The following OXR1 variants were observed in gnomAD, a reference collection of about 807,000 sequenced individuals.
OXR1 encodes oxidation resistance protein 1.
Under a neutral mutation model 104.6 loss-of-function variants are expected in OXR1, and 41 were observed. That is an observed-to-expected ratio of 0.39 (90% CI 0.31 to 0.51). The LOEUF (loss-of-function observed/expected upper bound fraction) is 0.51, where lower values mean the gene tolerates loss of function less well. Ranked by LOEUF, OXR1 falls within the 20% of genes least tolerant of loss-of-function variation. The pLI, the probability that OXR1 is intolerant of heterozygous loss-of-function variation, is 0.77. For synonymous variants in OXR1, 348 were observed against 348.4 expected (o/e 1.00, Z 0.01); for missense variants, 955 against 1,031.9 (o/e 0.93, Z 1.02).
At chr8:106,282,074 A>G (rs1812314104) in intron 1 of OXR1, among the ~76,000 whole-genome samples, 1 of 152,226 alleles carries the variant, frequency 6.6e-6, no homozygotes, top group Admixed American at 6.5e-5. Flanking sequence ...ATAGTCTCCA[A>G]GTTTAAATGA....
intron 2 of OXR1, among the ~76,000 whole-genome samples, chr8:106,493,639 T>C (rs1310500017): frequency 1.3e-5 from 2 of 152,236 alleles, no homozygotes; most frequent in East Asian, 3.8e-4. Flanking sequence ...TACACATGAA[T>C]GTGTTTCTCT....
intron 2 of OXR1, among the ~76,000 whole-genome samples, chr8:106,417,367 A>G (rs1818721044): frequency 6.6e-6 from 1 of 152,110 alleles, no homozygotes; most frequent in Non-Finnish European, 1.5e-5. Context: ...ACTTCTTAAA[A>G]CTAGATTTAT....
intron 3 of OXR1, among the ~76,000 whole-genome samples, chr8:106,559,974 G>A (rs143334004): frequency 6.6e-6 from 1 of 152,184 alleles, no homozygotes; most frequent in Non-Finnish European, 1.5e-5. Flanking sequence ...TCAGATAACA[G>A]AAAATAAGCT....
intron 1 of OXR1, among the ~76,000 whole-genome samples, chr8:106,301,531 G>C (rs1406338630): frequency 6.6e-6 from 1 of 152,160 alleles, no homozygotes; most frequent in Non-Finnish European, 1.5e-5. Flanking sequence ...AGCAAGGTTT[G>C]TATTGAACAA....
intron 2 of OXR1, among the ~76,000 whole-genome samples, chr8:106,368,995 T>C (rs1216729686): frequency 2.0e-5 from 3 of 152,224 alleles, no homozygotes; most frequent in Non-Finnish European, 4.4e-5. Flanking sequence ...CCACAATGGT[T>C]GAACTAATTT....
At chr8:106,742,974 A>C (rs1835046902) in intron 15 of OXR1, among the ~76,000 whole-genome samples, 2 of 152,188 alleles carry the variant, frequency 1.3e-5, no homozygotes, top group African/African-American at 4.8e-5. Context: ...GCTTCTGTAC[A>C]GCAAAATAAA....
chr8:106,591,445 TA>T (rs79236395), intron 3 of OXR1, among the ~76,000 whole-genome samples: 36 of 146,508 alleles, frequency 2.5e-4, no homozygotes, highest in South Asian at 6.5e-4. Flanking sequence ...AAAGTATAAT[TA>T]AAAAAAAAAA....
At chr8:106,578,121 TAGTATA>T (rs1251646612) in intron 3 of OXR1, among the ~76,000 whole-genome samples, 3 of 152,200 alleles carry the variant, frequency 2.0e-5, no homozygotes, top group Non-Finnish European at 2.9e-5. Context: ...AATAAACATT[TAGTATA>T]AGTATGTTTC....
chr8:106,487,684 G>C (rs1810781054), intron 2 of OXR1, among the ~76,000 whole-genome samples: 2 of 142,980 alleles, frequency 1.4e-5, no homozygotes, highest in South Asian at 4.4e-4. Context: ...TTGGTTTTTT[G>C]TTCTTGCGAT....
intron 3 of OXR1, among the ~76,000 whole-genome samples, chr8:106,629,821 T>C (rs961785788): frequency 6.6e-6 from 1 of 152,070 alleles, no homozygotes; most frequent in African/African-American, 2.4e-5. Flanking sequence ...TTAAAAAAAC[T>C]TGTGTGGTAG....
At chr8:106,668,367 G>C (rs1487855340) in intron 3 of OXR1, among the ~76,000 whole-genome samples, 3 of 152,124 alleles carry the variant, frequency 2.0e-5, no homozygotes, top group Admixed American at 2.0e-4. Context: ...TGCATGAATT[G>C]TTGAATAATT....
intron 1 of OXR1, among the ~76,000 whole-genome samples, chr8:106,274,037 A>C (rs2130467504): frequency 6.6e-6 from 1 of 152,376 alleles, no homozygotes; most frequent in East Asian, 1.9e-4. Context: ...GGGATTGAAC[A>C]ATCAGAGAAA....
chr8:106,582,162 AT>A (rs201125017), intron 3 of OXR1, among the ~76,000 whole-genome samples: 1,507 of 132,026 alleles, frequency 0.011, 14 homozygotes, highest in Non-Finnish European at 0.014. Flanking sequence ...AGCAAGACAG[AT>A]TTTTTTCTAT....
intron 2 of OXR1, among the ~76,000 whole-genome samples, chr8:106,510,395 T>C (rs997165695): frequency 6.6e-6 from 1 of 152,194 alleles, no homozygotes; most frequent in African/African-American, 2.4e-5. Flanking sequence ...AATGCTTCTC[T>C]CATATTACCT....
intron 2 of OXR1, among the ~76,000 whole-genome samples, chr8:106,408,166 AT>A (rs980205290): frequency 6.6e-6 from 1 of 152,140 alleles, no homozygotes; most frequent in African/African-American, 2.4e-5. Flanking sequence ...GAACCCCTGA[AT>A]TATAGTTATT....
intron 2 of OXR1, among the ~76,000 whole-genome samples, chr8:106,390,027 C>G (rs1817531842): frequency 6.6e-6 from 1 of 152,064 alleles, no homozygotes; most frequent in Non-Finnish European, 1.5e-5. Context: ...GATCGCACCA[C>G]TGCACTCCAG....
intron 1 of OXR1, among the ~76,000 whole-genome samples, chr8:106,347,955 C>T (rs1353837067): frequency 3.9e-5 from 6 of 151,960 alleles, no homozygotes. Context: ...GAAATATGTA[C>T]AAAATGTATA....
chr8:106,660,030 C>G (rs1009717463), intron 3 of OXR1, among the ~76,000 whole-genome samples: 2 of 152,192 alleles, frequency 1.3e-5, no homozygotes, highest in African/African-American at 4.8e-5. Flanking sequence ...CAGGTACGTC[C>G]TAGCATTAAC....
intron 3 of OXR1, chr8:106,657,846 T>C: frequency 8.1e-7 from 1 of 1,238,438 alleles, no homozygotes; most frequent in East Asian, 3.2e-5. Context: ...CGCCCCCTCC[T>C]CCTCCCCGCC....
Sources: allele counts gnomAD v4.1 joint callset (sites outside exome capture counted in the v4.1 genomes callset), GRCh38; gene constraint gnomAD v4.1.1; transcripts MANE v1.5; gene names NCBI Gene and HGNC (gene_info 2026-07-23, HGNC 2026-07-21).